CAST: variants seen among roughly 807,000 people sequenced by gnomAD.
CAST encodes the protein calpastatin, also known as MIR583 host.
In CAST, 76 loss-of-function variants were observed where a neutral mutation model predicts 119.6. The ratio of observed to expected loss-of-function variants is 0.64; its 90% CI spans 0.53 to 0.77. The LOEUF is 0.77. Ranked by LOEUF, CAST falls within the 30% of genes least tolerant of loss-of-function variation. The probability of loss-of-function intolerance (pLI) is 0.00; values close to 1 mark genes in which losing one functional copy is unlikely to be tolerated. For synonymous variants in CAST, 319 were observed against 331.6 expected, an observed-to-expected ratio of 0.96 and a Z score of 0.41; for missense variants, 953 against 946.5, an observed-to-expected ratio of 1.01 and a Z score of -0.09.
chr5:96,339,799 TGA>T, the CAST span, among the ~76,000 whole-genome samples: 461 of 152,262 alleles, frequency 3.0e-3, 7 homozygotes, highest in East Asian at 5.6e-3. Flanking sequence ...AGCGAGTAGT[TGA>T]CCCTCTGAGC....
intron 2 of CAST, among the ~76,000 whole-genome samples, chr5:96,677,745 G>C (rs57224751): frequency 0.027 from 4,090 of 152,250 alleles, 188 homozygotes; most frequent in African/African-American, 0.093. Flanking sequence ...CTGTCCCCAT[G>C]GCTTAAATCA....
intron 4 of CAST, among the ~76,000 whole-genome samples, chr5:96,724,311 G>A (rs184347777): frequency 1.3e-5 from 2 of 152,048 alleles, no homozygotes; most frequent in African/African-American, 4.8e-5. Flanking sequence ...CTCCTGAGTA[G>A]CTGGAACTCT....
chr5:96,188,638 C>T, the CAST span, among the ~76,000 whole-genome samples: 1 of 152,124 alleles, frequency 6.6e-6, no homozygotes, highest in Non-Finnish European at 1.5e-5. Flanking sequence ...TCCCTCCCCC[C>T]TTTAATATCC....
the CAST span, among the ~76,000 whole-genome samples, chr5:96,002,454 C>A: frequency 6.6e-6 from 1 of 152,190 alleles, no homozygotes; most frequent in Admixed American, 6.5e-5. Context: ...CTGCTCCAGT[C>A]TTAGCTGGTC....
chr5:96,662,449 C>A lies in CAST; in HGVS notation c.27C>A (p.Ala9=). 2 of 1,439,562 alleles carry A rather than the reference C, an allele frequency of 1.4e-6. No homozygotes were observed. 89.2% of individuals were successfully genotyped at this position (1,439,562 alleles called of 1,614,324 possible). A position where few individuals can be genotyped will look rare whatever the true frequency, so the allele number is the denominator to read the frequency against. Reference sequence around the variant, plus strand: ...TGTCCCAGCCCGGCCAGAAGCCCGCCGCCTCCCCGCGGCCCCGGCGAGCAG... The same window carrying A: ...TGTCCCAGCCCGGCCAGAAGCCCGCAGCCTCCCCGCGGCCCCGGCGAGCAG... The part of the protein sequence containing the change: MSQPGQKP[A]ASPRPRRAAA... The change falls in exon 1 of 32, where the codon GCC becomes GCA. Residue 9 remains alanine (A), a synonymous_variant. Coordinates refer to ENST00000675179, the MANE Select transcript of CAST (RefSeq NM_001750.7).
At chr5:96,402,018 A>G in the CAST span, among the ~76,000 whole-genome samples, 17 of 152,210 alleles carry the variant, frequency 1.1e-4, no homozygotes, top group Non-Finnish European at 2.1e-4. Context: ...TTATGTAATA[A>G]GTAGATGCCC....
In CAST at chr5:96,577,333, G is replaced by A. The variant is rs572113685; in HGVS notation, c.60+47453G>A. On this transcript the variant is annotated intron_variant, in intron 1 of 11. Transcript: ENST00000505143. ...ATTTTATTAATTTTTTTAAGAATTA[G>A]TTATTTTCATTGATTTTCTTTGTCA... Among the ~76,000 whole-genome samples the A allele has an allele frequency of 5.3e-5, 8 of 151,668 alleles. No homozygotes were observed. In the East Asian group the frequency reaches 1.6e-3, roughly 29 times the overall value.
At chr5:96,037,130 C>T in the CAST span, among the ~76,000 whole-genome samples, 1 of 152,068 alleles carries the variant, frequency 6.6e-6, no homozygotes, top group East Asian at 1.9e-4. Flanking sequence ...CATTAACTCC[C>T]GGAAATGTAC....
At chr5:96,077,185 A>G in the CAST span, among the ~76,000 whole-genome samples, 1 of 152,072 alleles carries the variant, frequency 6.6e-6, no homozygotes, top group Non-Finnish European at 1.5e-5. Flanking sequence ...ATAACATTAT[A>G]TTGACATCTT....
At chr5:96,155,865 A>G in the CAST span, among the ~76,000 whole-genome samples, 2 of 152,134 alleles carry the variant, frequency 1.3e-5, no homozygotes. Context: ...AAGATCTCAC[A>G]GTCTATGCCC....
rs1258583638 is a variant in CAST at position 96,740,103 on chromosome 5, T to C, written c.864T>C (p.Tyr288=). 2 of 1,504,934 alleles carry C rather than the reference T, an allele frequency of 1.3e-6. No individual in the cohort carries two copies. Among genetic ancestry groups the C allele is most frequent in the African/African-American group, 1.4e-5 (1 of 72,420 alleles). 93.2% of individuals were successfully genotyped at this position (1,504,934 alleles called of 1,614,324 possible). Reference sequence around the variant, plus strand: ...GAGAAGTCACAATTCCTCCAAAATATAGGGAACTATTGGCTGTAAGTTAAA... The same window carrying C: ...GAGAAGTCACAATTCCTCCAAAATACAGGGAACTATTGGCTGTAAGTTAAA... ...GKREVTIPPK[Y]RELLAKKEGI... Residue 288 remains tyrosine, a synonymous_variant, in exon 12 of 32, where the codon TAT becomes TAC. Transcript: ENST00000675179.
the CAST span, among the ~76,000 whole-genome samples, chr5:96,276,885 G>A: frequency 6.6e-6 from 1 of 152,070 alleles, no homozygotes; most frequent in African/African-American, 2.4e-5. Flanking sequence ...ATGTATGTAT[G>A]TTCATGAGCA....
the CAST span, among the ~76,000 whole-genome samples, chr5:96,453,789 A>T: frequency 7.7e-4 from 117 of 152,360 alleles, 1 homozygote; most frequent in African/African-American, 2.7e-3. Flanking sequence ...TCAAGTAAAA[A>T]TCTTAAATCT....
rs748312934 is a variant in CAST at position 96,730,878 on chromosome 5, G to C, written c.630+18G>C. On this transcript the variant is annotated intron_variant, in intron 9 of 31. Coordinates refer to ENST00000675179, the MANE Select transcript of CAST (RefSeq NM_001750.7). ...GTGACAAGGTGAGCACACACAAGCAGACGGAAACGTGGGCCTCTGTGCTTC... is the reference window on the plus strand; with the variant it reads ...GTGACAAGGTGAGCACACACAAGCACACGGAAACGTGGGCCTCTGTGCTTC... 3.8e-6 allele frequency: 6 copies of C among 1,582,670 alleles called. No homozygotes were observed. In the African/African-American group the frequency reaches 8.1e-5, roughly 21 times the overall value.
At chr5:96,357,712 G>A in the CAST span, among the ~76,000 whole-genome samples, 20 of 152,238 alleles carry the variant, frequency 1.3e-4, no homozygotes, top group African/African-American at 2.4e-4. Context: ...GCTTTTTGTC[G>A]TGCTGCTAGA....
the CAST span, among the ~76,000 whole-genome samples, chr5:96,516,279 A>G: frequency 6.6e-6 from 1 of 152,114 alleles, no homozygotes; most frequent in Non-Finnish European, 1.5e-5. Flanking sequence ...GGAAAAACCA[A>G]TACATTGCTC....
chr5:96,154,071 A>G, the CAST span, among the ~76,000 whole-genome samples: 2 of 152,030 alleles, frequency 1.3e-5, no homozygotes. Context: ...AGGTCAGGAG[A>G]TCGAGACCAT....
In CAST at chr5:96,746,254, T is replaced by TA. The variant is rs1403288475; in HGVS notation, c.1201-86dup. The TA allele has an allele frequency of 3.7e-6, 3 of 801,716 alleles. No individual in the cohort carries two copies. The Admixed American group carries it at 5.4e-5, about 14-fold the overall frequency. 49.7% of individuals were successfully genotyped at this position (801,716 alleles called of 1,614,324 possible). On this transcript the variant is annotated intron_variant, in intron 16 of 31. Transcript: ENST00000675179. Reference sequence around the variant, plus strand: ...CTTTTACCAGATTTGGTCTTCTCTATAACACTCGAGAAGTACACAGAGGAA... The same window carrying TA: ...CTTTTACCAGATTTGGTCTTCTCTATAAACACTCGAGAAGTACACAGAGGAA...
chr5:96,031,208 C>G, the CAST span, among the ~76,000 whole-genome samples: 1 of 140,552 alleles, frequency 7.1e-6, no homozygotes, highest in East Asian at 2.1e-4. Flanking sequence ...CAATTATAGA[C>G]TTTTTCTTTT....
Sources: gnomAD v4.1 joint callset for allele counts (sites outside exome capture counted in the v4.1 genomes callset) on GRCh38, gnomAD v4.1.1 for gene constraint, MANE v1.5 for transcripts, NCBI Gene and HGNC (gene_info 2026-07-23, HGNC 2026-07-21) for gene names.